Variants in ERCC6L2 observed in about 807,000 individuals in gnomAD.
ERCC6L2 encodes the protein DNA excision repair protein ERCC-6-like 2.
ERCC6L2 carries 77 observed loss-of-function variants against 132.0 expected under a neutral mutation model. That is an observed-to-expected ratio of 0.58 (90% CI 0.49 to 0.71). ERCC6L2 has a LOEUF of 0.71. ERCC6L2 is among the 30% of genes least tolerant of loss of function. ERCC6L2 has a pLI of 0.00. For missense variants in ERCC6L2, 1,542 were observed against 1,837.6 expected, an observed-to-expected ratio of 0.84 and a Z score of 2.94; for synonymous variants, 583 against 632.4, an observed-to-expected ratio of 0.92 and a Z score of 1.17.
chr9:95,876,849 TTGA>T (rs1337052617), intron 1 of ERCC6L2: 2 of 152,246 alleles, frequency 1.3e-5, no homozygotes, highest in African/African-American at 4.8e-5. Context: ...GGTCTAGGAA[TTGA>T]TGACGCTGTA....
At chr9:95,929,424 CTAAG>C (rs1459766816) in intron 11 of ERCC6L2, among the ~76,000 whole-genome samples, 1 of 152,158 alleles carries the variant, frequency 6.6e-6, no homozygotes, top group Non-Finnish European at 1.5e-5. Flanking sequence ...ACATAAACAC[CTAAG>C]TAAGATTAAT....
intron 8 of ERCC6L2, among the ~76,000 whole-genome samples, chr9:95,922,898 T>A (rs1383784100): frequency 6.6e-6 from 1 of 151,756 alleles, no homozygotes; most frequent in Non-Finnish European, 1.5e-5. Context: ...TTTGTAATGA[T>A]TTTATATTTT....
intron 2 of ERCC6L2, among the ~76,000 whole-genome samples, chr9:95,888,734 G>T (rs1027153301): frequency 2.0e-5 from 3 of 152,086 alleles, no homozygotes; most frequent in Non-Finnish European, 4.4e-5. Flanking sequence ...CTTGTGACTG[G>T]GTTCCGCCAG....
chr9:95,924,085 T>C (rs1419432494), intron 9 of ERCC6L2, among the ~76,000 whole-genome samples: 3 of 152,252 alleles, frequency 2.0e-5, no homozygotes, highest in South Asian at 4.1e-4. Flanking sequence ...CAAGAATCTT[T>C]ATTTGTAGAT....
chr9:95,937,514 C>G (rs550094562), intron 11 of ERCC6L2, among the ~76,000 whole-genome samples: 1 of 152,016 alleles, frequency 6.6e-6, no homozygotes. Flanking sequence ...ATAACATACT[C>G]AATTTCTTTA....
At chr9:95,932,993 G>T (rs370441366) in intron 11 of ERCC6L2, among the ~76,000 whole-genome samples, 2 of 152,316 alleles carry the variant, frequency 1.3e-5, no homozygotes, top group South Asian at 4.1e-4. Context: ...TATCTCATCT[G>T]CAGAGAGAGA....
At position 96,015,571 on chromosome 9, in the gene ERCC6L2, G is replaced by A. The variant is rs1465559520; in HGVS notation, c.*2368G>A. The stretch of plus-strand genomic sequence containing the variant: ...AGCACTTTGGGAGGCCGAGGCAGGC[G>A]GATCACAAGGTCATGAGATCGAGAC... On this transcript the variant is annotated 3_prime_UTR_variant, in exon 19 of 19. Transcript: ENST00000653738. 1.3e-5 allele frequency among the ~76,000 whole-genome samples: 2 copies of A among 151,774 alleles called. No homozygotes were observed. The highest frequency in any genetic ancestry group is 4.2e-4 in the South Asian group (2 of 4,806).
chr9:96,010,588 T>TC (rs1252824791), intron 18 of ERCC6L2, among the ~76,000 whole-genome samples: 3 of 152,020 alleles, frequency 2.0e-5, no homozygotes, highest in Non-Finnish European at 4.4e-5. Flanking sequence ...ATGCACCCTC[T>TC]CCCCCTGGGA....
intron 1 of ERCC6L2, among the ~76,000 whole-genome samples, chr9:95,878,266 A>G (rs531201908): frequency 6.6e-6 from 1 of 152,368 alleles, no homozygotes; most frequent in African/African-American, 2.4e-5. Flanking sequence ...TGTATGGCCT[A>G]CAAAATCTAA....
intron 2 of ERCC6L2, among the ~76,000 whole-genome samples, chr9:95,891,539 C>G (rs1828164095): frequency 6.7e-6 from 1 of 149,360 alleles, no homozygotes; most frequent in South Asian, 2.1e-4. Context: ...AAACATTTCT[C>G]TTGTGTGTAT....
chr9:95,954,682 T>C, intron 12 of ERCC6L2: 1 of 443,946 alleles, frequency 2.3e-6, no homozygotes, highest in Non-Finnish European at 4.7e-6. Context: ...GGCTTAAGCA[T>C]ACATCCAAAG....
At chr9:95,963,950 T>C (rs1396150489) in intron 13 of ERCC6L2, among the ~76,000 whole-genome samples, 1 of 152,174 alleles carries the variant, frequency 6.6e-6, no homozygotes, top group Non-Finnish European at 1.5e-5. Flanking sequence ...AGGTCAAGTT[T>C]GTGTCTGCTA....
At chr9:95,877,810 AAAAAG>A (rs1359447082) in intron 1 of ERCC6L2, among the ~76,000 whole-genome samples, 2 of 147,612 alleles carry the variant, frequency 1.4e-5, no homozygotes, top group Non-Finnish European at 2.9e-5. Context: ...GTCTAAAAAA[AAAAAG>A]AAAAAAAAAA....
chr9:95,949,039 G>A (rs988180916), intron 12 of ERCC6L2, among the ~76,000 whole-genome samples: 6 of 151,632 alleles, frequency 4.0e-5, no homozygotes, highest in Middle Eastern at 3.2e-3. Flanking sequence ...ATTAAAAAAA[G>A]AAAAAAAGAG....
At chr9:95,934,806 C>T (rs183737199) in intron 11 of ERCC6L2, among the ~76,000 whole-genome samples, 4 of 152,222 alleles carry the variant, frequency 2.6e-5, no homozygotes, top group East Asian at 3.9e-4. Context: ...TAGTCCAACA[C>T]CAGGAATCAT....
chr9:95,933,291 T>C (rs972069924), intron 11 of ERCC6L2, among the ~76,000 whole-genome samples: 3 of 152,206 alleles, frequency 2.0e-5, no homozygotes, highest in African/African-American at 7.2e-5. Flanking sequence ...TTATCCATTT[T>C]TTTAATCCTT....
intron 12 of ERCC6L2, among the ~76,000 whole-genome samples, chr9:95,944,071 C>T (rs905369046): frequency 1.3e-5 from 2 of 152,150 alleles, no homozygotes; most frequent in Non-Finnish European, 2.9e-5. Context: ...TACTTGTACA[C>T]TCATGTTCAT....
chr9:95,965,212 C>T (rs1832097558), intron 13 of ERCC6L2, among the ~76,000 whole-genome samples: 1 of 152,092 alleles, frequency 6.6e-6, no homozygotes, highest in South Asian at 2.1e-4. Flanking sequence ...ATTTTAGATT[C>T]AGCCAAACCA....
rs773653595 is a variant in ERCC6L2 at position 95,916,349 on chromosome 9, A to C, written c.1073A>C (p.Gln358Pro). 3.7e-6 allele frequency: 6 copies of C among 1,612,414 alleles called. No homozygotes were observed. Among genetic ancestry groups the C allele is most frequent in the Non-Finnish European group, 5.1e-6 (6 of 1,179,630 alleles). ...CTAGCCACTGGCCGAAAGGCCATGC[A>C]AAGACTTGCCAAAAAGATGTCTGGC... ...RELATGRKAM[Q>P]RLAKKMSGWF... Residue 358 changes from glutamine (Q) to proline (P), a missense_variant, in exon 6 of 19, where the codon CAA becomes CCA. Physicochemically the swap from Gln to Pro is moderately conservative, Grantham distance 76. Transcript: ENST00000653738.
Sources: gnomAD v4.1 joint callset for allele counts (sites outside exome capture counted in the v4.1 genomes callset) on GRCh38, gnomAD v4.1.1 for gene constraint, MANE v1.5 for transcripts, NCBI Gene and HGNC (gene_info 2026-07-23, HGNC 2026-07-21) for gene names.